OTULINL: variants seen among roughly 807,000 people sequenced by gnomAD.
OTULINL encodes OTU deubiquitinase with linear linkage specificity like, also known as inactive ubiquitin thioesterase OTULINL.
In OTULINL, 42 loss-of-function variants were observed where a neutral mutation model predicts 43.9. That is an observed-to-expected ratio of 0.96 (90% CI 0.75 to 1.24). OTULINL has a LOEUF of 1.24. OTULINL is among the 50% of genes most tolerant of loss of function. The pLI, the probability that OTULINL is intolerant of heterozygous loss-of-function variation, is 0.00. For missense variants in OTULINL, 411 were observed against 426.4 expected, an observed-to-expected ratio of 0.96 and a Z score of 0.32; for synonymous variants, 172 against 153.6, an observed-to-expected ratio of 1.12 and a Z score of -0.88.
chr5:14,597,642 T>C (rs1294276371), intron 1 of OTULINL, among the ~76,000 whole-genome samples: 2 of 152,238 alleles, frequency 1.3e-5, no homozygotes, highest in African/African-American at 2.4e-5. Flanking sequence ...TAGAGAAGGC[T>C]CACTCCTAAT....
At chr5:14,609,097 T>G (rs2126786348) in intron 7 of OTULINL, 80 bp downstream of exon 7, 1 of 1,445,156 alleles carries the variant, frequency 6.9e-7, no homozygotes, top group South Asian at 1.3e-5. Context: ...CTGGGGTGAC[T>G]TTTCAGTGGT....
At chr5:14,594,006 C>T (rs1038442945) in intron 1 of OTULINL, among the ~76,000 whole-genome samples, 3 of 152,144 alleles carry the variant, frequency 2.0e-5, no homozygotes, top group African/African-American at 7.2e-5. Context: ...TTATTGTATT[C>T]TACTAAGTGG....
intron 4 of OTULINL, 47 bp from the exon 5 acceptor site, chr5:14,602,136 C>T (rs1236057341): frequency 1.4e-6 from 2 of 1,453,906 alleles, no homozygotes; most frequent in Non-Finnish European, 1.8e-6. Flanking sequence ...ACTTTATTTT[C>T]TTGTCCAGTG....
chr5:14,601,166 C>T (rs111503785), intron 2 of OTULINL, 42 bp downstream of exon 2: 126 of 1,611,568 alleles, frequency 7.8e-5, no homozygotes, highest in South Asian at 3.8e-4. Flanking sequence ...TGTATCTTTA[C>T]TATTCAAAGC....
At chr5:14,601,527 T>C (rs989234703) in intron 4 of OTULINL, 85 bp downstream of exon 4, 2 of 1,213,858 alleles carry the variant, frequency 1.6e-6, no homozygotes, top group African/African-American at 1.5e-5. Context: ...CTTTACTAAA[T>C]CCAGATATCC....
intron 1 of OTULINL, among the ~76,000 whole-genome samples, chr5:14,589,395 G>A (rs773710142): frequency 1.6e-4 from 24 of 152,108 alleles, no homozygotes; most frequent in Non-Finnish European, 2.4e-4. Context: ...AGGTAGGGAG[G>A]CAGGCGTGAG....
At chr5:14,597,086 T>C (rs1759300256) in intron 1 of OTULINL, among the ~76,000 whole-genome samples, 1 of 152,200 alleles carries the variant, frequency 6.6e-6, no homozygotes, top group Admixed American at 6.5e-5. Flanking sequence ...CCGAGTCCCA[T>C]TGGGCAATTA....
At chr5:14,609,049 A>T in intron 7 of OTULINL, 32 bp downstream of exon 7, 1 of 1,588,334 alleles carries the variant, frequency 6.3e-7, no homozygotes, top group Non-Finnish European at 8.6e-7. Flanking sequence ...CTTGTATTTG[A>T]TTAAGGATGC....
In OTULINL at chr5:14,589,404, A is replaced by T. The variant is rs569209994; in HGVS notation, c.64+7446A>T. Among the ~76,000 whole-genome samples, 4 of 152,080 alleles carry T rather than the reference A, an allele frequency of 2.6e-5. No individual in the cohort carries two copies. The South Asian group carries it at 8.3e-4, about 32-fold the overall frequency. On this transcript the variant is annotated intron_variant, in intron 1 of 7. Coordinates refer to ENST00000274217, the MANE Select transcript of OTULINL (RefSeq NM_019018.3). ...AAAGCAAGGTAGGGAGGCAGGCGTG[A>T]GCTCTAGGAGGAAGTGAAGGCACTC... is the stretch of plus-strand genomic sequence containing the variant.
chr5:14,608,697 A>T, intron 6 of OTULINL, 51 bp from the exon 7 acceptor site: 1 of 1,398,382 alleles, frequency 7.2e-7, no homozygotes, highest in Admixed American at 2.0e-5. Context: ...ATGGAATGGT[A>T]TATGTCTTCA....
chr5:14,594,300 C>T (rs1434093529), intron 1 of OTULINL, among the ~76,000 whole-genome samples: 1 of 152,166 alleles, frequency 6.6e-6, no homozygotes, highest in African/African-American at 2.4e-5. Context: ...TGTGTTTTTC[C>T]TTCTGTTTGT....
At position 14,601,001 on chromosome 5, in the gene OTULINL, G is replaced by A. The variant is rs1413063735; in HGVS notation, c.101G>A (p.Ser34Asn). 2.6e-6 allele frequency: 4 copies of A among 1,566,282 alleles called. No individual in the cohort carries two copies. The highest frequency in any genetic ancestry group is 3.5e-6 in the Non-Finnish European group (4 of 1,158,970). The change falls in exon 2 of 8, where the codon AGC becomes AAC. Residue 34 changes from serine (S) to asparagine (N), a missense_variant. Coordinates refer to ENST00000274217, the MANE Select transcript of OTULINL (RefSeq NM_019018.3). The stretch of plus-strand genomic sequence containing the variant: ...GTTCACTCCTGGATGCTAGCTACAA[G>A]CCAAGCCTTAGACACTGTCTGGAGA... ...DQVHSWMLAT[S>N]QALDTVWRMA...
At chr5:14,582,251 A>T (rs986823963) in intron 1 of OTULINL, among the ~76,000 whole-genome samples, 1 of 151,890 alleles carries the variant, frequency 6.6e-6, no homozygotes, top group Non-Finnish European at 1.5e-5. Flanking sequence ...GGTTCCTGGA[A>T]GAAAGCCGGT....
intron 5 of OTULINL, among the ~76,000 whole-genome samples, chr5:14,605,382 G>T (rs560724407): frequency 8.3e-5 from 11 of 132,912 alleles, no homozygotes; most frequent in Non-Finnish European, 1.2e-4. Context: ...GCTCCTAGGT[G>T]TCTGGGCCTG....
chr5:14,595,852 ATGACTAGGGGGAT>A (rs1249805496), intron 1 of OTULINL, among the ~76,000 whole-genome samples: 163 of 152,096 alleles, frequency 1.1e-3, no homozygotes, highest in African/African-American at 3.6e-3. Flanking sequence ...ATTAATGCTG[ATGACTAGGGGGAT>A]GTATGAGACC....
intron 7 of OTULINL, among the ~76,000 whole-genome samples, chr5:14,609,691 C>T (rs113237332): frequency 1.4e-5 from 2 of 146,482 alleles, no homozygotes; most frequent in African/African-American, 5.1e-5. Context: ...AGTGCTGTGG[C>T]GCGATCTCCG....
intron 5 of OTULINL, among the ~76,000 whole-genome samples, chr5:14,605,770 CAA>C (rs1359568247): frequency 6.6e-6 from 1 of 152,200 alleles, no homozygotes; most frequent in Non-Finnish European, 1.5e-5. Context: ...TAAAACATAA[CAA>C]GAGTCATCTT....
chr5:14,594,329 G>T (rs1283506143), intron 1 of OTULINL, among the ~76,000 whole-genome samples: 1 of 152,182 alleles, frequency 6.6e-6, no homozygotes, highest in African/African-American at 2.4e-5. Flanking sequence ...TAATTTATTT[G>T]TTTAGACTAA....
intron 5 of OTULINL, among the ~76,000 whole-genome samples, chr5:14,602,772 GTC>G (rs1462675197): frequency 6.6e-6 from 1 of 152,174 alleles, no homozygotes; most frequent in East Asian, 1.9e-4. Context: ...CCAGTCCTCT[GTC>G]TCTCATGTCA....
Sources: allele counts gnomAD v4.1 joint callset (sites outside exome capture counted in the v4.1 genomes callset), GRCh38; gene constraint gnomAD v4.1.1; transcripts MANE v1.5; gene names NCBI Gene and HGNC (gene_info 2026-07-23, HGNC 2026-07-21).